Variants in DIP2C observed in about 807,000 individuals in gnomAD.
The protein encoded by DIP2C is disco-interacting protein 2 homolog C.
DIP2C carries 33 observed loss-of-function variants against 192.4 expected under a neutral mutation model. The ratio of observed to expected loss-of-function variants is 0.17; its 90% CI spans 0.13 to 0.23. The LOEUF (loss-of-function observed/expected upper bound fraction) is 0.23, where lower values mean the gene tolerates loss of function less well. Ranked by LOEUF, DIP2C falls within the 10% of genes least tolerant of loss-of-function variation. DIP2C has a pLI of 1.00. For missense variants in DIP2C, 1,537 were observed against 2,110.1 expected, an observed-to-expected ratio of 0.73 and a Z score of 5.32; for synonymous variants, 979 against 864.1, an observed-to-expected ratio of 1.13 and a Z score of -2.33.
chr10:467,114 C>T (rs1051540862), intron 3 of DIP2C, among the ~76,000 whole-genome samples: 17 of 152,030 alleles, frequency 1.1e-4, no homozygotes, highest in Admixed American at 9.8e-4. Flanking sequence ...CTCACAATAG[C>T]AAAGACTTAG....
At chr10:281,469 C>G (rs1954815705) in intron 35 of DIP2C, 146 bp from the exon 36 acceptor site, 1 of 1,255,070 alleles carries the variant, frequency 8.0e-7, no homozygotes, top group Non-Finnish European at 1.1e-6. Context: ...CGTTTGTTTC[C>G]TTCTGCCACG....
chr10:626,623 G>A (rs1234801282), intron 1 of DIP2C, among the ~76,000 whole-genome samples: 1 of 152,080 alleles, frequency 6.6e-6, no homozygotes, highest in Non-Finnish European at 1.5e-5. Flanking sequence ...GCTGCACCCA[G>A]AGGCATTCCG....
intron 30 of DIP2C, 84 bp from the exon 31 acceptor site, chr10:327,260 C>G (rs142893002): frequency 3.4e-5 from 50 of 1,472,196 alleles, no homozygotes; most frequent in South Asian, 8.2e-5. Flanking sequence ...CAGATCCCCA[C>G]GTAAACATTG....
At position 364,514 on chromosome 10, in the gene DIP2C, C is replaced by T; in HGVS notation, c.2337G>A (p.Gly779=). The T allele has an allele frequency of 6.2e-7, 1 of 1,614,190 alleles. No individual in the cohort carries two copies. Among genetic ancestry groups the T allele is most frequent in the Non-Finnish European group, 8.5e-7 (1 of 1,180,038 alleles). ...EYPFIRTGLL[G]FVGPGGLVFV... The stretch of plus-strand genomic sequence containing the variant: ...AGACGAGGCCTCCGGGACCCACGAA[C>T]CCCAGCAAGCCTGTCCTTATGAATG... Residue 779 remains glycine, a synonymous_variant, in exon 20 of 37, where the codon GGG becomes GGA. Transcript: ENST00000280886.
rs567001789 is a variant in DIP2C at position 662,169 on chromosome 10, G to A, written c.85+27325C>T. 1.1e-5 allele frequency: 8 copies of A among 714,884 alleles called. No individual in the cohort carries two copies. In the Admixed American group the frequency reaches 1.4e-4, roughly 13 times the overall value. The allele number at this position is 714,884 out of a possible 1,614,324, so 44.3% of individuals were successfully genotyped here. ...AATCTAACTTTCTGCCCTCAGATAG[G>A]CACATGCATATTTTATCTATACACA... On this transcript the variant is annotated intron_variant, in intron 1 of 36. Transcript: ENST00000280886.
At chr10:540,845 C>T (rs1454530862) in intron 1 of DIP2C, among the ~76,000 whole-genome samples, 1 of 152,210 alleles carries the variant, frequency 6.6e-6, no homozygotes, top group African/African-American at 2.4e-5. Context: ...CTCTGAAACA[C>T]AGGTAAAGTC....
chr10:594,873 C>T (rs1487085727), intron 1 of DIP2C, among the ~76,000 whole-genome samples: 2 of 152,186 alleles, frequency 1.3e-5, no homozygotes, highest in Non-Finnish European at 1.5e-5. Context: ...GAGCCTGATT[C>T]GGGCTTTGAC....
At chr10:449,847 A>T (rs1351317428) in intron 3 of DIP2C, among the ~76,000 whole-genome samples, 1 of 151,786 alleles carries the variant, frequency 6.6e-6, no homozygotes, top group Non-Finnish European at 1.5e-5. Flanking sequence ...ATATTAATAA[A>T]CTATTAATAA....
chr10:292,664 T>C (rs1013885994), intron 32 of DIP2C, among the ~76,000 whole-genome samples: 4 of 152,210 alleles, frequency 2.6e-5, no homozygotes, highest in African/African-American at 9.6e-5. Context: ...AGGTCTTCAT[T>C]CTTCATTCGT....
At chr10:284,850 A>G (rs1244717693) in intron 34 of DIP2C, among the ~76,000 whole-genome samples, 1 of 152,206 alleles carries the variant, frequency 6.6e-6, no homozygotes, top group African/African-American at 2.4e-5. Context: ...TCCTTAATTT[A>G]TATAACTTTC....
At chr10:595,947 T>G (rs1802592658) in intron 1 of DIP2C, among the ~76,000 whole-genome samples, 1 of 152,128 alleles carries the variant, frequency 6.6e-6, no homozygotes, top group African/African-American at 2.4e-5. Flanking sequence ...AAGCTTATTT[T>G]TAAGCCGACA....
chr10:310,672 C>A (rs1315476981), intron 31 of DIP2C, among the ~76,000 whole-genome samples: 1 of 152,194 alleles, frequency 6.6e-6, no homozygotes, highest in Admixed American at 6.5e-5. Flanking sequence ...CTGGGCAGGA[C>A]TTTGTGGTCT....
chr10:507,101 TGA>T (rs1424246687), intron 1 of DIP2C, among the ~76,000 whole-genome samples: 1 of 147,384 alleles, frequency 6.8e-6, no homozygotes, highest in African/African-American at 2.5e-5. Flanking sequence ...CTGTGCACGA[TGA>T]GAGGTATGCG....
intron 1 of DIP2C, among the ~76,000 whole-genome samples, chr10:671,061 G>A (rs1830609036): frequency 1.3e-5 from 2 of 152,208 alleles, no homozygotes; most frequent in African/African-American, 2.4e-5. Flanking sequence ...GGAAGAGCTG[G>A]GTGGGCACCA....
At chr10:583,118 CAG>C (rs1322154206) in intron 1 of DIP2C, among the ~76,000 whole-genome samples, 3 of 152,324 alleles carry the variant, frequency 2.0e-5, no homozygotes, top group East Asian at 1.9e-4. Context: ...CCACAACACA[CAG>C]AGAAATGCAT....
chr10:286,682 G>T (rs533848100), intron 33 of DIP2C, among the ~76,000 whole-genome samples: 2 of 152,158 alleles, frequency 1.3e-5, no homozygotes, highest in African/African-American at 4.8e-5. Context: ...CATGGTAAAT[G>T]ATATAATGTT....
chr10:410,303 T>C (rs772086743), intron 8 of DIP2C, among the ~76,000 whole-genome samples: 4 of 152,244 alleles, frequency 2.6e-5, no homozygotes, highest in Non-Finnish European at 5.9e-5. Flanking sequence ...GCAGGCAAGC[T>C]GTAATAAAAT....
rs770252075 is a variant in DIP2C at position 548,208 on chromosome 10, A to ACCT, written c.86-61679_86-61678insAGG. ...AGTCCAATTCACACGAGTCTGCCCC[A>ACCT]CCCCCCCCCCCACAGGAAAGCCCTG... On this transcript the variant is annotated intron_variant, in intron 1 of 36. Coordinates refer to ENST00000280886, the MANE Select transcript of DIP2C (RefSeq NM_014974.3). 5.1e-5 allele frequency among the ~76,000 whole-genome samples: 3 copies of ACCT among 58,258 alleles called. 1 individual carries two copies. Among genetic ancestry groups the ACCT allele is most frequent in the Non-Finnish European group, 1.1e-4 (3 of 28,290 alleles). The allele number at this position is 58,258 out of a possible 152,430, so 38.2% of individuals were successfully genotyped here.
At chr10:362,016 A>G (rs1411827573) in intron 22 of DIP2C, among the ~76,000 whole-genome samples, 2 of 152,046 alleles carry the variant, frequency 1.3e-5, no homozygotes, top group Admixed American at 1.3e-4. Flanking sequence ...GGGGGCGGAA[A>G]CAAACTGTGC....
Sources: gnomAD v4.1 joint callset for allele counts (sites outside exome capture counted in the v4.1 genomes callset) on GRCh38, gnomAD v4.1.1 for gene constraint, MANE v1.5 for transcripts, NCBI Gene and HGNC (gene_info 2026-07-23, HGNC 2026-07-21) for gene names.